The following HYDIN variants were observed in gnomAD, a reference collection of about 807,000 sequenced individuals.
The protein encoded by HYDIN is HYDIN axonemal central pair apparatus protein, also known as axonemal central pair apparatus protein HYDIN.
Under a neutral mutation model 403.9 loss-of-function variants are expected in HYDIN, and 132 were observed. The observed-to-expected ratio is 0.33, with a 90% CI of 0.28 to 0.38. The LOEUF (loss-of-function observed/expected upper bound fraction) is 0.38, where lower values mean the gene tolerates loss of function less well. Ranked by LOEUF, HYDIN falls within the 10% of genes least tolerant of loss-of-function variation. The pLI is 1.00. For missense variants in HYDIN, 2,827 were observed against 5,009.5 expected (o/e 0.56, Z 13.15); for synonymous variants, 1,202 against 1,891.7 (o/e 0.64, Z 9.46).
chr16:71,175,480 CA>C, intron 5 of HYDIN, 126 bp downstream of exon 5: 2 of 1,012,538 alleles, frequency 2.0e-6, no homozygotes, highest in Non-Finnish European at 2.9e-6. Flanking sequence ...ATGTCAATAC[CA>C]AGACCACCAT....
intron 23 of HYDIN, among the ~76,000 whole-genome samples, chr16:71,002,222 C>T (rs1221228428): frequency 2.0e-5 from 3 of 152,142 alleles, no homozygotes; most frequent in Non-Finnish European, 4.4e-5. Flanking sequence ...GATAGTTTCA[C>T]TATGATTTTG....
chr16:71,138,632 A>G, intron 7 of HYDIN, among the ~76,000 whole-genome samples: 2 of 152,020 alleles, frequency 1.3e-5, no homozygotes, highest in Non-Finnish European at 2.9e-5. Context: ...CAACTTTTAA[A>G]CTTTCTTTGA....
intron 23 of HYDIN, among the ~76,000 whole-genome samples, chr16:71,012,741 G>A (rs899272585): frequency 2.0e-5 from 3 of 152,146 alleles, no homozygotes; most frequent in African/African-American, 7.2e-5. Flanking sequence ...GGATAAGAAA[G>A]GTTAGTGTTC....
intron 76 of HYDIN, among the ~76,000 whole-genome samples, chr16:70,839,524 C>A (rs1323230190): frequency 4.1e-5 from 6 of 146,170 alleles, no homozygotes; most frequent in Non-Finnish European, 3.0e-5. Flanking sequence ...ACATTTTCAT[C>A]ATGATGGAAA....
intron 1 of HYDIN, among the ~76,000 whole-genome samples, chr16:71,206,827 G>C (rs560289109): frequency 1.3e-5 from 2 of 152,294 alleles, no homozygotes; most frequent in East Asian, 3.9e-4. Context: ...AAGACTCTCA[G>C]AGCTTGAAGA....
chr16:70,981,954 C>T (rs1281191742), intron 28 of HYDIN, among the ~76,000 whole-genome samples: 4 of 151,658 alleles, frequency 2.6e-5, no homozygotes, highest in African/African-American at 7.3e-5. Context: ...CGGTAAAACC[C>T]CGTCTCTGCT....
chr16:71,197,617 C>A (rs2087766035), intron 1 of HYDIN, among the ~76,000 whole-genome samples: 1 of 152,168 alleles, frequency 6.6e-6, no homozygotes, highest in East Asian at 1.9e-4. Flanking sequence ...GTATAATAAT[C>A]ACCGAGGTTA....
intron 21 of HYDIN, among the ~76,000 whole-genome samples, chr16:71,024,446 A>G (rs1007686761): frequency 6.6e-6 from 1 of 151,234 alleles, no homozygotes; most frequent in Admixed American, 6.6e-5. Context: ...CATGTCTCCT[A>G]ATACATGCCC....
intron 11 of HYDIN, 88 bp downstream of exon 11, chr16:71,093,729 C>G: frequency 2.0e-6 from 3 of 1,481,726 alleles, no homozygotes; most frequent in Non-Finnish European, 2.7e-6. Context: ...ATTGCATACT[C>G]TTTCCATCAA....
chr16:71,144,293 A>C (rs1344732120), intron 7 of HYDIN, among the ~76,000 whole-genome samples: 2 of 146,438 alleles, frequency 1.4e-5, no homozygotes, highest in Non-Finnish European at 3.0e-5. Flanking sequence ...TCAGTTGAAA[A>C]GTGCAAAACT....
chr16:71,074,607 C>T (rs113108431), intron 13 of HYDIN, among the ~76,000 whole-genome samples: 19 of 132,160 alleles, frequency 1.4e-4, no homozygotes, highest in African/African-American at 3.4e-4. Context: ...TTGCTTGCTC[C>T]GGAGGCGGAG....
rs546650968 is a variant in HYDIN, at chr16:71,006,776, C to T, written c.3644+11353G>A. On this transcript the variant is annotated intron_variant, in intron 23 of 85. Transcript: ENST00000393567. ...ACCCTGCTGGGACTGATCATCTAGCCCGCCCCAGCAGACCCCGTCAGTATT... is the reference window on the plus strand; with the variant it reads ...ACCCTGCTGGGACTGATCATCTAGCTCGCCCCAGCAGACCCCGTCAGTATT... Among the ~76,000 whole-genome samples the T allele has an allele frequency of 2.0e-5, 3 of 152,162 alleles. No individual in the cohort carries two copies. In the South Asian group the frequency reaches 6.2e-4, roughly 32 times the overall value.
At chr16:71,063,321 G>A (rs907927751) in intron 16 of HYDIN, among the ~76,000 whole-genome samples, 7 of 152,330 alleles carry the variant, frequency 4.6e-5, no homozygotes, top group African/African-American at 1.7e-4. Context: ...GCTCCGCCGA[G>A]CCTTATGACA....
rs565605295 is a variant in HYDIN at position 71,152,208 on chromosome 16, C to T, written c.841+451G>A. Among the ~76,000 whole-genome samples the T allele has an allele frequency of 3.3e-5, 5 of 151,680 alleles. No individual in the cohort carries two copies. The East Asian group carries it at 7.8e-4, about 24-fold the overall frequency. Reference sequence around the variant, plus strand: ...CCAGTTAGGGGGATTTCTGACTCCACATCATTTCTACTGGAGGCATTCATT... The same window carrying T: ...CCAGTTAGGGGGATTTCTGACTCCATATCATTTCTACTGGAGGCATTCATT... On this transcript the variant is annotated intron_variant, in intron 7 of 85. Transcript: ENST00000393567.
At chr16:71,007,482 G>A (rs1004672080) in intron 23 of HYDIN, among the ~76,000 whole-genome samples, 3 of 152,072 alleles carry the variant, frequency 2.0e-5, no homozygotes, top group African/African-American at 4.8e-5. Flanking sequence ...TAAAACAGGG[G>A]CTTTGCAGTC....
chr16:70,946,519 G>T (rs1222959302), intron 41 of HYDIN, among the ~76,000 whole-genome samples: 8 of 152,122 alleles, frequency 5.3e-5, no homozygotes, highest in Admixed American at 2.0e-4. Context: ...GGAGGATTAG[G>T]TTTGCCAGGG....
intron 75 of HYDIN, among the ~76,000 whole-genome samples, chr16:70,840,692 C>A (rs144267306): frequency 6.6e-6 from 1 of 152,302 alleles, no homozygotes; most frequent in Non-Finnish European, 1.5e-5. Flanking sequence ...GAGGCAAAGC[C>A]TTTCTGGGGA....
Position 70,907,476 on chromosome 16 carries a change from C to T in HYDIN, c.8412G>A (p.Gln2804=), listed in dbSNP as rs2076567301. The T allele has an allele frequency of 1.7e-6, 1 of 587,392 alleles. No individual in the cohort carries two copies. Among genetic ancestry groups the T allele is most frequent in the Non-Finnish European group, 3.0e-6 (1 of 335,806 alleles). The allele number at this position is 587,392 out of a possible 1,614,324, so 36.4% of individuals were successfully genotyped here. A position where few individuals can be genotyped will look rare whatever the true frequency, so the allele number is the denominator to read the frequency against. The change falls in exon 50 of 86, where the codon CAG becomes CAA. Residue 2804 remains glutamine, a synonymous_variant. Transcript: ENST00000393567. ...CATTTGTCTTCATGTCCATCTTCCG[C>T]TGAGGAAATACCACTCTGAACACAG... ...ICQDPKVVFP[Q]RKMDMKTNEV...
At chr16:71,029,565 C>T (rs937340209) in intron 19 of HYDIN, among the ~76,000 whole-genome samples, 1 of 105,928 alleles carries the variant, frequency 9.4e-6, no homozygotes, top group African/African-American at 3.8e-5. Context: ...TTTGAGTGCA[C>T]GAAAAGAAAT....
Sources: gnomAD v4.1 joint callset for allele counts (sites outside exome capture counted in the v4.1 genomes callset) on GRCh38, gnomAD v4.1.1 for gene constraint, MANE v1.5 for transcripts, NCBI Gene and HGNC (gene_info 2026-07-23, HGNC 2026-07-21) for gene names.